RACK1: variants seen among roughly 807,000 people sequenced by gnomAD.
RACK1 encodes the protein small ribosomal subunit protein RACK1.
RACK1 carries 3 observed loss-of-function variants against 42.2 expected under a neutral mutation model. The ratio of observed to expected loss-of-function variants is 0.07; its 90% CI spans 0.03 to 0.18. The LOEUF is 0.18. RACK1 is among the 10% of genes least tolerant of loss of function. RACK1 has a pLI of 1.00. For synonymous variants in RACK1, 181 were observed against 154.8 expected (o/e 1.17, Z -1.25); for missense variants, 146 against 403.2 (o/e 0.36, Z 5.46).
At chr5:181,238,437 AC>A (rs1759217239) in intron 5 of RACK1, 198 bp from the exon 6 acceptor site, 7 of 546,062 alleles carry the variant, frequency 1.3e-5, no homozygotes, top group Non-Finnish European at 1.3e-5. Flanking sequence ...CCATCAAAAA[AC>A]CCCTCCCAAC....
intron 1 of RACK1, 78 bp downstream of exon 1, chr5:181,243,614 C>T: frequency 1.3e-6 from 2 of 1,511,886 alleles, no homozygotes; most frequent in African/African-American, 1.4e-5. Context: ...TGCCACACCA[C>T]ACGCGGAATT....
chr5:181,243,376 C>T, intron 1 of RACK1: 1 of 1,406,726 alleles, frequency 7.1e-7, no homozygotes. Context: ...GTCATCACCG[C>T]CCCGCCCGGC....
At chr5:181,241,968 C>T in intron 2 of RACK1, 1 of 773,324 alleles carries the variant, frequency 1.3e-6, no homozygotes, top group African/African-American at 1.7e-5. Flanking sequence ...AGAACTTTTG[C>T]ACCTGGCAAA....
chr5:181,238,010 G>T, intron 6 of RACK1, 89 bp downstream of exon 6: 2 of 1,395,890 alleles, frequency 1.4e-6, no homozygotes, highest in Non-Finnish European at 2.0e-6. Flanking sequence ...TAGCTCCCAG[G>T]TGGGAGTCAG....
In RACK1 at chr5:181,241,648, G is replaced by T; in HGVS notation, c.282-9C>A. 6.2e-7 allele frequency: 1 copy of T among 1,613,848 alleles called. No homozygotes were observed. Among genetic ancestry groups the T allele is most frequent in the Non-Finnish European group, 8.5e-7 (1 of 1,179,886 alleles). ...GCCTCGTGGTGGTGCCCCTGAGAGG[G>T]AGGAGTTTGTCATTCTCAGACTTAG... On this transcript the variant is annotated splice_polypyrimidine_tract_variant and intron_variant, in intron 2 of 7. Transcript: ENST00000512805.
At chr5:181,238,373 A>G (rs759772198) in intron 5 of RACK1, 134 bp from the exon 6 acceptor site, 8 of 866,476 alleles carry the variant, frequency 9.2e-6, no homozygotes, top group Admixed American at 2.3e-5. Flanking sequence ...TAATGACTCA[A>G]GTACCAATAT....
At chr5:181,237,273 A>T in intron 7 of RACK1, 1 of 805,344 alleles carries the variant, frequency 1.2e-6, no homozygotes, top group South Asian at 1.5e-5. Flanking sequence ...ACTGTAAGAA[A>T]CCGCTCTCAT....
intron 2 of RACK1, chr5:181,241,950 G>A (rs1759362666): frequency 1.3e-6 from 1 of 767,784 alleles, no homozygotes; most frequent in Non-Finnish European, 2.4e-6. Context: ...TCAAACTGCT[G>A]CCCACTCAGA....
chr5:181,241,416 A>T, intron 3 of RACK1, 76 bp downstream of exon 3: 2 of 1,281,588 alleles, frequency 1.6e-6, no homozygotes, highest in Non-Finnish European at 2.1e-6. Context: ...GGCAAGAGTG[A>T]GACTGTCGCC....
At chr5:181,242,029 G>A in intron 2 of RACK1, 145 bp downstream of exon 2, 6 of 814,816 alleles carry the variant, frequency 7.4e-6, no homozygotes, top group Middle Eastern at 3.6e-4. Flanking sequence ...TTAAAGTGAG[G>A]GAGGCCAAAC....
At chr5:181,239,256 C>A in intron 4 of RACK1, 79 bp from the exon 5 acceptor site, 1 of 949,742 alleles carries the variant, frequency 1.1e-6, no homozygotes, top group Non-Finnish European at 1.7e-6. Context: ...AAGGGCTTGG[C>A]ACTTCTGGAT....
chr5:181,239,969 C>CA (rs1433060494), intron 3 of RACK1, among the ~76,000 whole-genome samples: 1 of 152,148 alleles, frequency 6.6e-6, no homozygotes, highest in Non-Finnish European at 1.5e-5. Flanking sequence ...TGCTTAAACC[C>CA]AGGAAGCGAA....
chr5:181,243,886 C>G lies in RACK1; in HGVS notation c.-86G>C. The G allele has an allele frequency of 6.7e-7, 1 of 1,485,538 alleles. No individual in the cohort carries two copies. The highest frequency in any genetic ancestry group is 2.3e-5 in the Admixed American group (1 of 42,880). 92.0% of individuals were successfully genotyped at this position (1,485,538 alleles called of 1,614,324 possible). ...ACTAGCACCACAACCTCTCCTGCCG[C>G]CGCCTTGCAGTGAAAGAGAGAGAGA... On this transcript the variant is annotated 5_prime_UTR_variant, in exon 1 of 8. Transcript: ENST00000512805.
Position 181,239,467 on chromosome 5 carries a change from TG to T in RACK1, c.525+19del. On this transcript the variant is annotated intron_variant, in intron 4 of 7. Coordinates refer to ENST00000512805, the MANE Select transcript of RACK1 (RefSeq NM_006098.5). ...AGCACACCCTGACTGGTAAAGCCCC[TG>T]CCTTGGCTTGACGCTCACCTTGACC... 1 of 1,576,256 alleles carries T rather than the reference TG, an allele frequency of 6.3e-7. No homozygotes were observed. Among genetic ancestry groups the T allele is most frequent in the Non-Finnish European group, 8.7e-7 (1 of 1,145,446 alleles).
In RACK1 at chr5:181,241,426, C is replaced by CAAAAAA. The variant is rs57063983; in HGVS notation, c.429+60_429+65dup. The CAAAAAA allele has an allele frequency of 3.0e-3, 3,194 of 1,072,038 alleles. 12 individuals are homozygous for CAAAAAA. The highest frequency in any genetic ancestry group is 0.017 in the African/African-American group (589 of 35,380). 66.4% of individuals were successfully genotyped at this position (1,072,038 alleles called of 1,614,324 possible). ...GCTTGGGCAAGAGTGAGACTGTCGCCAAAAAAAAAAAAAAAAAGCAAAGTT... is the reference window on the plus strand; with the variant it reads ...GCTTGGGCAAGAGTGAGACTGTCGCCAAAAAAAAAAAAAAAAAAAAAAAGCAAAGTT... On this transcript the variant is annotated intron_variant, in intron 3 of 7. Transcript: ENST00000512805.
At chr5:181,243,127 T>C (rs1759414865) in intron 1 of RACK1, 2 of 533,410 alleles carry the variant, frequency 3.7e-6, no homozygotes, top group Admixed American at 3.1e-5. Context: ...CAGCCAGACA[T>C]GATTCAAAAG....
At position 181,239,088 on chromosome 5, in the gene RACK1, G is replaced by A; in HGVS notation, c.615C>T (p.Ser205=). The A allele has an allele frequency of 6.2e-7, 1 of 1,612,234 alleles. No individual in the cohort carries two copies. The highest frequency in any genetic ancestry group is 8.5e-7 in the Non-Finnish European group (1 of 1,178,326). ...LNTVTVSPDG[S]LCASGGKDGQ... ...ATACCTTGCCTCCAGAAGCACAGAG[G>A]GATCCATCTGGAGAGACAGTCACCG... The change falls in exon 5 of 8, where the codon TCC becomes TCT. Residue 205 remains serine, a synonymous_variant. Transcript: ENST00000512805.
intron 1 of RACK1, chr5:181,243,435 A>C: frequency 6.6e-7 from 1 of 1,505,662 alleles, no homozygotes; most frequent in Non-Finnish European, 8.9e-7. Context: ...AGATATTTTA[A>C]AAGTTTCCAA....
chr5:181,238,015 A>G, intron 6 of RACK1, 84 bp downstream of exon 6: 2 of 1,430,402 alleles, frequency 1.4e-6, no homozygotes, highest in Non-Finnish European at 2.0e-6. Flanking sequence ...CCCAGGTGGG[A>G]GTCAGATGGC....
Sources: gnomAD v4.1 joint callset for allele counts (sites outside exome capture counted in the v4.1 genomes callset) on GRCh38, gnomAD v4.1.1 for gene constraint, MANE v1.5 for transcripts, NCBI Gene and HGNC (gene_info 2026-07-23, HGNC 2026-07-21) for gene names.